The following EIF3H variants were observed in gnomAD, a reference collection of about 807,000 sequenced individuals.
EIF3H encodes eIF-3-gamma.
A neutral mutation model predicts 44.2 loss-of-function variants in EIF3H; 26 were observed. That is an observed-to-expected ratio of 0.59 (90% CI 0.43 to 0.82). The LOEUF (loss-of-function observed/expected upper bound fraction) is 0.82. Ranked by LOEUF, EIF3H falls within the 40% of genes least tolerant of loss-of-function variation. EIF3H has a pLI of 0.00. For missense variants in EIF3H, 359 were observed against 432.8 expected, an observed-to-expected ratio of 0.83 and a Z score of 1.51; for synonymous variants, 166 against 151.9, an observed-to-expected ratio of 1.09 and a Z score of -0.68.
At chr8:116,692,570 T>C (rs947771334) in intron 2 of EIF3H, among the ~76,000 whole-genome samples, 3 of 152,182 alleles carry the variant, frequency 2.0e-5, no homozygotes, top group Admixed American at 6.5e-5. Flanking sequence ...ATACGATAAA[T>C]GACTGAGACT....
chr8:116,716,490 A>G (rs1028370706), intron 2 of EIF3H, among the ~76,000 whole-genome samples: 4 of 152,156 alleles, frequency 2.6e-5, no homozygotes, highest in African/African-American at 9.6e-5. Context: ...GAGCTCCGTC[A>G]AGATTAAAGG....
rs1242813449 is a variant in EIF3H at position 116,741,551 on chromosome 8, G to A, written c.132+14115C>T. 4.6e-5 allele frequency among the ~76,000 whole-genome samples: 7 copies of A among 152,158 alleles called. No homozygotes were observed. In the East Asian group the frequency reaches 1.3e-3, roughly 29 times the overall value. ...AAAAGTCTGAAATAAAAAAGACAAA[G>A]CTCAAACTATACCAGTCACTGCCTA... On this transcript the variant is annotated intron_variant, in intron 1 of 7. Coordinates refer to ENST00000521861, the MANE Select transcript of EIF3H (RefSeq NM_003756.3).
intron 2 of EIF3H, among the ~76,000 whole-genome samples, chr8:116,694,129 G>A (rs1814225632): frequency 6.6e-6 from 1 of 150,828 alleles, no homozygotes. Flanking sequence ...GCAAGGTCAA[G>A]AATTATGAGC....
intron 2 of EIF3H, among the ~76,000 whole-genome samples, chr8:116,703,088 A>G (rs771989103): frequency 3.3e-5 from 5 of 152,260 alleles, no homozygotes; most frequent in Non-Finnish European, 7.3e-5. Flanking sequence ...GATACTTAAA[A>G]TAAGAATAGT....
At chr8:116,760,842 C>T (rs1334735377) in intron 1 of EIF3H, among the ~76,000 whole-genome samples, 1 of 152,154 alleles carries the variant, frequency 6.6e-6, no homozygotes, top group Non-Finnish European at 1.5e-5. Context: ...TTGGCTTCAA[C>T]ATTTTGTTAA....
chr8:116,656,138 A>G (rs1239871628), intron 4 of EIF3H, 133 bp from the exon 5 acceptor site: 3 of 697,608 alleles, frequency 4.3e-6, no homozygotes, highest in Admixed American at 3.6e-5. Flanking sequence ...AAAAAAAAAA[A>G]GTAGAGAAAC....
chr8:116,697,106 C>G (rs1814282337), intron 2 of EIF3H: 1 of 456,170 alleles, frequency 2.2e-6, no homozygotes, highest in Admixed American at 2.3e-5. Context: ...CCAGCTGTCC[C>G]TGGTGAATCT....
At chr8:116,680,053 G>A (rs1420114617) in intron 2 of EIF3H, among the ~76,000 whole-genome samples, 1 of 31,406 alleles carries the variant, frequency 3.2e-5, no homozygotes, top group African/African-American at 1.1e-4. Context: ...GGGTCGGCCA[G>A]CCGCCCTGTC....
In EIF3H at chr8:116,657,280, T is replaced by TA; in HGVS notation, c.491dup (p.Ala166GlyfsTer7). 1 of 1,613,732 alleles carries TA rather than the reference T, an allele frequency of 6.2e-7. No individual in the cohort carries two copies. On this transcript the variant is annotated frameshift_variant, in exon 4 of 8. Coordinates refer to ENST00000521861, the MANE Select transcript of EIF3H (RefSeq NM_003756.3). LOFTEE classifies it high-confidence loss of function. ...GTTTAGGAGTCAGTCTGTATGCCTT[T>TA]AGTGAGAGAGATCCTTGGGCAGTTT... is the stretch of plus-strand genomic sequence containing the variant.
intron 2 of EIF3H, among the ~76,000 whole-genome samples, chr8:116,719,441 T>C (rs150640024): frequency 0.01 from 1,555 of 152,128 alleles, 27 homozygotes; most frequent in African/African-American, 0.035. Flanking sequence ...GTGGAAAGGA[T>C]AGAAGTAGGG....
intron 1 of EIF3H, among the ~76,000 whole-genome samples, chr8:116,746,342 A>T (rs1035536134): frequency 6.6e-6 from 1 of 152,198 alleles, no homozygotes; most frequent in Non-Finnish European, 1.5e-5. Context: ...ATCAAATCAC[A>T]TAAACTATTT....
At chr8:116,689,213 T>A in intron 2 of EIF3H, 1 of 362,714 alleles carries the variant, frequency 2.8e-6, no homozygotes, top group Non-Finnish European at 5.7e-6. Flanking sequence ...CTTACATGAG[T>A]TATCTAGAAA....
intron 2 of EIF3H, among the ~76,000 whole-genome samples, chr8:116,691,599 G>A (rs944715938): frequency 3.3e-5 from 5 of 151,818 alleles, no homozygotes; most frequent in South Asian, 2.1e-4. Flanking sequence ...TTTAGGCCAG[G>A]CACAATGGTT....
rs558090344 is a variant in EIF3H, at chr8:116,713,519, T to C, written c.289+12497A>G. Among the ~76,000 whole-genome samples the C allele has an allele frequency of 1.8e-4, 28 of 152,232 alleles. No homozygotes were observed. The South Asian group carries it at 5.4e-3, about 29-fold the overall frequency. ...ATTTTTCAAGCTTTCAAAATGAAGCTAGACTTTGTTCCTACTATTGTATTT... is the reference window on the plus strand; with the variant it reads ...ATTTTTCAAGCTTTCAAAATGAAGCCAGACTTTGTTCCTACTATTGTATTT... On this transcript the variant is annotated intron_variant, in intron 2 of 7. Transcript: ENST00000521861.
chr8:116,743,771 T>TAC (rs1390592777), intron 1 of EIF3H, among the ~76,000 whole-genome samples: 190 of 76,200 alleles, frequency 2.5e-3, no homozygotes, highest in South Asian at 0.024. Context: ...AATACATACA[T>TAC]ATATATATAT....
chr8:116,765,488 A>G (rs1009666608), intron 1 of EIF3H: 5 of 152,188 alleles, frequency 3.3e-5, no homozygotes, highest in African/African-American at 4.8e-5. Context: ...GCAAAATTCC[A>G]TACTCCCCAT....
rs1761961571 is a variant in EIF3H, at chr8:116,678,874, G to T, written c.290-19894C>A. 2.2e-5 allele frequency among the ~76,000 whole-genome samples: 3 copies of T among 138,662 alleles called. No homozygotes were observed. The South Asian group carries it at 7.3e-4, about 34-fold the overall frequency. 91.0% of individuals were successfully genotyped at this position (138,662 alleles called of 152,430 possible). ...CCGGGAGGGAGGTGGGGGGGGGTCA[G>T]CCCCCCGCCCGGCCAGCCGCCCCGT... On this transcript the variant is annotated intron_variant, in intron 2 of 7. Transcript: ENST00000521861.
At chr8:116,673,522 TA>T (rs766994522) in intron 2 of EIF3H, among the ~76,000 whole-genome samples, 9 of 152,224 alleles carry the variant, frequency 5.9e-5, no homozygotes, top group Non-Finnish European at 1.3e-4. Flanking sequence ...AAAACTGTGA[TA>T]TTTTTGCTCA....
At chr8:116,747,984 G>T (rs1280385937) in intron 1 of EIF3H, among the ~76,000 whole-genome samples, 2 of 151,994 alleles carry the variant, frequency 1.3e-5, no homozygotes, top group African/African-American at 4.8e-5. Context: ...GGTGGCGCAT[G>T]CCTGTAATCC....
Sources: gnomAD v4.1 joint callset for allele counts (sites outside exome capture counted in the v4.1 genomes callset) on GRCh38, gnomAD v4.1.1 for gene constraint, MANE v1.5 for transcripts, NCBI Gene and HGNC (gene_info 2026-07-23, HGNC 2026-07-21) for gene names.